Variants in STX10 observed in about 807,000 individuals in gnomAD.
STX10 encodes syntaxin-10.
A neutral mutation model predicts 34.1 loss-of-function variants in STX10; 35 were observed. The ratio of observed to expected loss-of-function variants is 1.03; its 90% confidence interval spans 0.78 to 1.36. The LOEUF (loss-of-function observed/expected upper bound fraction) is 1.36. Among genes scored for constraint, STX10 ranks in the 40% most tolerant of loss-of-function variants. The pLI is 0.00. For missense variants in STX10, 361 were observed against 335.5 expected (o/e 1.08, Z -0.59); for synonymous variants, 155 against 132.9 (o/e 1.17, Z -1.15).
chr19:13,145,402 G>A lies in STX10; in HGVS notation c.364-7C>T, dbSNP rs984650118. 6.2e-7 allele frequency: 1 copy of A among 1,608,888 alleles called. No homozygotes were observed. On this transcript the variant is annotated splice_region_variant and splice_polypyrimidine_tract_variant and intron_variant, in intron 4 of 7. Coordinates refer to ENST00000587230, the MANE Select transcript of STX10 (RefSeq NM_003765.3). ...CTGGCTTGCCTGCGAGTATCTGCAG[G>A]GGCACACAACATAGGCTCAGGGAGA...
chr19:13,147,079 A>AACACACACACACAC lies in STX10; in HGVS notation c.364-1698_364-1685dup, dbSNP rs55785762. 6.0e-3 allele frequency among the ~76,000 whole-genome samples: 878 copies of AACACACACACACAC among 145,228 alleles called. 8 individuals are homozygous for AACACACACACACAC. Among genetic ancestry groups the AACACACACACACAC allele is most frequent in the Non-Finnish European group, 6.3e-3 (416 of 66,190 alleles). ...CAGAGGTGGTTGGGAGAAACACAGA[A>AACACACACACACAC]ACACACACACACACACACACACACA... On this transcript the variant is annotated intron_variant, in intron 4 of 7. Coordinates refer to ENST00000587230, the MANE Select transcript of STX10 (RefSeq NM_003765.3).
rs540357415 is a variant in STX10 at position 13,145,013 on chromosome 19, A to G, written c.472-143T>C. The G allele has an allele frequency of 2.2e-4, 166 of 749,030 alleles. 1 individual carries two copies. In the East Asian group the frequency reaches 4.5e-3, roughly 20 times the overall value. The allele number at this position is 749,030 out of a possible 1,614,324, so 46.4% of individuals were successfully genotyped here. On this transcript the variant is annotated intron_variant, in intron 5 of 7. Transcript: ENST00000587230. ...CAGGAGTTCGAGACCAGCCTGGCCA[A>G]CATGGTGAAACCCCATCTCTACTAA...
chr19:13,150,070 G>T lies in STX10; in HGVS notation c.35+69C>A. 2 of 1,143,422 alleles carry T rather than the reference G, an allele frequency of 1.7e-6. No homozygotes were observed. The highest frequency in any genetic ancestry group is 2.6e-6 in the Non-Finnish European group (2 of 773,492). The allele number at this position is 1,143,422 out of a possible 1,614,324, so 70.8% of individuals were successfully genotyped here. A position where few individuals can be genotyped will look rare whatever the true frequency, so the allele number is the denominator to read the frequency against. On this transcript the variant is annotated intron_variant, in intron 1 of 7. Transcript: ENST00000587230. This position sits in a 1 kb window ranked among gnomAD's most constrained non-coding sequence, Gnocchi z 4.0. ...TGCCCAGCCCGCCGGGCACGCTGGG[G>T]CCGGCACCCGGGCACTGGCTGGCTT...
At chr19:13,148,178 A>G (rs1231925814) in intron 4 of STX10, among the ~76,000 whole-genome samples, 2 of 152,058 alleles carry the variant, frequency 1.3e-5, no homozygotes, top group Non-Finnish European at 2.9e-5. Flanking sequence ...GTTTGAGACC[A>G]GACTGACCAA....
intron 5 of STX10, 105 bp downstream of exon 5, chr19:13,145,183 A>C: frequency 3.6e-6 from 4 of 1,114,790 alleles, no homozygotes; most frequent in Non-Finnish European, 5.1e-6. Context: ...TGGGCGACAA[A>C]GCGAAACTCC....
intron 5 of STX10, 62 bp downstream of exon 5, chr19:13,145,226 C>G: frequency 6.7e-7 from 1 of 1,485,176 alleles, no homozygotes. Context: ...AAAGGGACCC[C>G]AGACCTCAGA....
In STX10 at chr19:13,144,793, G is replaced by A. The variant is rs751463149; in HGVS notation, c.549C>T (p.Arg183=). 3.1e-6 allele frequency: 5 copies of A among 1,613,850 alleles called. No homozygotes were observed. Among genetic ancestry groups the A allele is most frequent in the East Asian group, 4.5e-5 (2 of 44,878 alleles). ...CCTGCTCGTCCAGCTCTTCTCCAAC[G>A]CGGCCGGACATGTGCTTCAGAACCT... ...SIQVLKHMSG[R]VGEELDEQGI... The change falls in exon 6 of 8, where the codon CGC becomes CGT. Residue 183 remains arginine (R), a synonymous_variant. Coordinates refer to ENST00000587230, the MANE Select transcript of STX10 (RefSeq NM_003765.3).
At position 13,147,212 on chromosome 19, in the gene STX10, G is replaced by C. The variant is rs151327535; in HGVS notation, c.363+1817C>G. Among the ~76,000 whole-genome samples, 55 of 152,116 alleles carry C rather than the reference G, an allele frequency of 3.6e-4. No individual in the cohort carries two copies. The East Asian group carries it at 7.7e-3, about 21-fold the overall frequency. ...AAGTGCACGCACCCAAATAGGTTAGGTGCATGCACAGATGAAAAGGCGGGG... is the reference window on the plus strand; with the variant it reads ...AAGTGCACGCACCCAAATAGGTTAGCTGCATGCACAGATGAAAAGGCGGGG... On this transcript the variant is annotated intron_variant, in intron 4 of 7. Transcript: ENST00000587230.
intron 4 of STX10, among the ~76,000 whole-genome samples, chr19:13,145,717 C>T (rs904542961): frequency 8.6e-5 from 13 of 151,944 alleles, no homozygotes; most frequent in Non-Finnish European, 1.6e-4. Flanking sequence ...TGGTGAAACC[C>T]CATCTCTACT....
chr19:13,149,426 A>AAAAAAAAG (rs1555724459), intron 3 of STX10, 73 bp downstream of exon 3: 85 of 757,048 alleles, frequency 1.1e-4, no homozygotes, highest in Admixed American at 3.5e-4. Flanking sequence ...AAAAAAAAAA[A>AAAAAAAAG]AAAGAAAGAA....
chr19:13,149,426 A>AAG (rs1555724460), intron 3 of STX10, 73 bp downstream of exon 3: 23,573 of 737,954 alleles, frequency 0.032, 1 homozygote, highest in East Asian at 0.034. Flanking sequence ...AAAAAAAAAA[A>AAG]AAAGAAAGAA....
Position 13,144,823 on chromosome 19 carries a change from G to A in STX10, c.519C>T (p.Ser173=). 4 of 1,614,020 alleles carry A rather than the reference G, an allele frequency of 2.5e-6. No individual in the cohort carries two copies. Among genetic ancestry groups the A allele is most frequent in the Non-Finnish European group, 3.4e-6 (4 of 1,180,020 alleles). ...CGGACATGTGCTTCAGAACCTGGAT[G>A]CTCCCAGACACCATCTCCAGCTGTT... is the stretch of plus-strand genomic sequence containing the variant. ...QDQQLEMVSG[S]IQVLKHMSGR... is the part of the protein sequence containing the mutation. The change falls in exon 6 of 8, where the codon AGC becomes AGT. Residue 173 remains serine, a synonymous_variant. Transcript: ENST00000587230.
chr19:13,149,574 T>C lies in STX10; in HGVS notation c.225A>G (p.Pro75=). The C allele has an allele frequency of 6.2e-7, 1 of 1,614,062 alleles. No homozygotes were observed. The highest frequency in any genetic ancestry group is 2.2e-5 in the East Asian group (1 of 44,880). ...CCCCGGCTGGGAGCTTGAACTTGCC[T>C]GGGTTGGCTTCCACTATACGTGGGC... ...EETIGIVEAN[P]GKFKLPAGDL... The change falls in exon 3 of 8, where the codon CCA becomes CCG. Residue 75 remains proline, a synonymous_variant. Transcript: ENST00000587230.
intron 4 of STX10, among the ~76,000 whole-genome samples, chr19:13,148,747 T>C (rs2019969766): frequency 6.6e-6 from 1 of 150,482 alleles, no homozygotes; most frequent in African/African-American, 2.4e-5. Context: ...ACAAATGGCA[T>C]GGAAGCAGAA....
intron 4 of STX10, among the ~76,000 whole-genome samples, chr19:13,146,515 G>A (rs183075363): frequency 2.0e-5 from 3 of 151,670 alleles, no homozygotes; most frequent in Non-Finnish European, 4.4e-5. Context: ...GATTACAGGC[G>A]TGAGCTACCA....
chr19:13,144,636 G>C lies in STX10; in HGVS notation c.614C>G (p.Thr205Ser). ...GAGGACCCCGTCCATGCGGGACTGG[G>C]TGTGGTCCATCTCTTGGGCGAAGGC... is the stretch of plus-strand genomic sequence containing the variant. The part of the protein sequence containing the change: ...LDAFAQEMDH[T>S]QSRMDGVLRK... The change falls in exon 7 of 8, where the codon ACC (threonine) becomes AGC (serine). Residue 205 changes from threonine (T) to serine (S), a missense_variant. Physicochemically the swap from Thr to Ser is moderately conservative, Grantham distance 58 (BLOSUM62 1). Transcript: ENST00000587230. 1 of 1,614,158 alleles carries C rather than the reference G, an allele frequency of 6.2e-7. No homozygotes were observed. Among genetic ancestry groups the C allele is most frequent in the African/African-American group, 1.3e-5 (1 of 75,050 alleles).
chr19:13,150,081 G>A lies in STX10; in HGVS notation c.35+58C>T. ...CCGGGCACGCTGGGGCCGGCACCCG[G>A]GCACTGGCTGGCTTGGGTACAGAGC... On this transcript the variant is annotated intron_variant, in intron 1 of 7. Coordinates refer to ENST00000587230, the MANE Select transcript of STX10 (RefSeq NM_003765.3). The surrounding 1 kb of genome is among the most constrained non-coding windows in gnomAD (Gnocchi z 4.0). 1.8e-6 allele frequency: 2 copies of A among 1,104,636 alleles called. No individual in the cohort carries two copies. The highest frequency in any genetic ancestry group is 2.6e-5 in the East Asian group (1 of 38,996). 68.4% of individuals were successfully genotyped at this position (1,104,636 alleles called of 1,614,324 possible).
Position 13,144,403 on chromosome 19 carries a change from G to A in STX10, c.*7C>T, listed in dbSNP as rs1338821092. On this transcript the variant is annotated 3_prime_UTR_variant, in exon 8 of 8. Coordinates refer to ENST00000587230, the MANE Select transcript of STX10 (RefSeq NM_003765.3). ...TTAAGGGACCAGCCTGCCAGGGAGG[G>A]CTGGGGTCAGAGAGAGAATAGTAAG... The A allele has an allele frequency of 1.2e-6, 2 of 1,606,366 alleles. No homozygotes were observed. The highest frequency in any genetic ancestry group is 1.7e-6 in the Non-Finnish European group (2 of 1,177,312).
In STX10 at chr19:13,149,238, C is replaced by A; in HGVS notation, c.301-147G>T. 4 of 741,918 alleles carry A rather than the reference C, an allele frequency of 5.4e-6. No homozygotes were observed. The South Asian group carries it at 6.9e-5, about 13-fold the overall frequency. 46.0% of individuals were successfully genotyped at this position (741,918 alleles called of 1,614,324 possible). Reference sequence around the variant, plus strand: ...ACCAGCCTGATCAACATGGTGAAACCCCGTCTCTACTAAAAACACAAAACT... The same window carrying A: ...ACCAGCCTGATCAACATGGTGAAACACCGTCTCTACTAAAAACACAAAACT... On this transcript the variant is annotated intron_variant, in intron 3 of 7. Coordinates refer to ENST00000587230, the MANE Select transcript of STX10 (RefSeq NM_003765.3).
Sources: gnomAD v4.1 joint callset for allele counts (sites outside exome capture counted in the v4.1 genomes callset) on GRCh38, gnomAD v4.1.1 for gene constraint, Gnocchi (gnomAD v3.1) non-coding constraint, MANE v1.5 for transcripts, NCBI Gene and HGNC (gene_info 2026-07-23, HGNC 2026-07-21) for gene names.